Variants in ZNF469 observed in about 807,000 individuals in gnomAD.
ZNF469 encodes zinc finger protein 469.
ZNF469 carries 1 observed loss-of-function variant against 1.0 expected under a neutral mutation model. The observed-to-expected ratio is 1.00, with a 90% CI of 0.35 to 4.73. ZNF469 has a LOEUF of 4.73. Among genes scored for constraint, ZNF469 ranks in the 30% most tolerant of loss-of-function variants. The pLI is 0.16. For missense variants in ZNF469, 6,100 were observed against 5,356.3 expected, an observed-to-expected ratio of 1.14 and a Z score of -4.33; for synonymous variants, 2,703 against 2,363.4, an observed-to-expected ratio of 1.14 and a Z score of -4.17.
the ZNF469 span, among the ~76,000 whole-genome samples, chr16:88,179,488 G>A: frequency 6.6e-6 from 1 of 152,212 alleles, no homozygotes; most frequent in Non-Finnish European, 1.5e-5. Context: ...CTGCAGAACT[G>A]TGAGCCAAAG....
At chr16:88,423,241 GGATGGATGGATA>G (rs1461961579) in intron 1 of ZNF469, among the ~76,000 whole-genome samples, 2 of 150,664 alleles carry the variant, frequency 1.3e-5, no homozygotes, top group Non-Finnish European at 3.0e-5. Flanking sequence ...GTGGATGGAT[GGATGGATGGATA>G]GATGGATGGA....
the ZNF469 span, among the ~76,000 whole-genome samples, chr16:88,173,538 G>A: frequency 1.2e-4 from 18 of 152,194 alleles, no homozygotes; most frequent in African/African-American, 4.3e-4. Context: ...ATTCCAGATG[G>A]AAATTTAGAG....
At chr16:88,151,089 AG>A in the ZNF469 span, among the ~76,000 whole-genome samples, 1 of 152,276 alleles carries the variant, frequency 6.6e-6, no homozygotes, top group Non-Finnish European at 1.5e-5. This position sits in a 1 kb window ranked among gnomAD's most constrained non-coding sequence, Gnocchi z 5.4. Context: ...GAAGCCCCAC[AG>A]GGGGCAGCTT....
At chr16:88,129,276 G>T in the ZNF469 span, among the ~76,000 whole-genome samples, 1 of 151,954 alleles carries the variant, frequency 6.6e-6, no homozygotes. Flanking sequence ...CCTTAGGGTC[G>T]TCTCGGCCTC....
At chr16:88,351,204 G>A in the ZNF469 span, among the ~76,000 whole-genome samples, 11 of 152,354 alleles carry the variant, frequency 7.2e-5, no homozygotes, top group South Asian at 2.1e-4. Context: ...CCTCGGTGGC[G>A]TAGCCAAAGG....
the ZNF469 span, among the ~76,000 whole-genome samples, chr16:88,322,603 C>T: frequency 6.6e-6 from 1 of 152,212 alleles, no homozygotes; most frequent in African/African-American, 2.4e-5. Context: ...AGGGTTTGTG[C>T]CAGAGCAGGC....
chr16:88,203,234 C>A, the ZNF469 span, among the ~76,000 whole-genome samples: 1 of 152,144 alleles, frequency 6.6e-6, no homozygotes. Flanking sequence ...GAGCCCCCAA[C>A]CCACAGGGCT....
chr16:88,165,079 C>T, the ZNF469 span, among the ~76,000 whole-genome samples: 2 of 152,232 alleles, frequency 1.3e-5, no homozygotes, highest in Non-Finnish European at 1.5e-5. Context: ...GGCAAGTGTG[C>T]CTTTCATCCC....
the ZNF469 span, among the ~76,000 whole-genome samples, chr16:88,311,183 C>T: frequency 4.6e-5 from 7 of 152,106 alleles, no homozygotes; most frequent in East Asian, 9.7e-4. Flanking sequence ...GGAGGAAGAC[C>T]CTGGGGGCGA....
chr16:88,386,784 G>A (rs141815028), intron 1 of ZNF469, among the ~76,000 whole-genome samples: 199 of 152,304 alleles, frequency 1.3e-3, no homozygotes, highest in Middle Eastern at 6.8e-3. Flanking sequence ...CCTGCTACAT[G>A]CTGGGGGCTG....
At chr16:88,391,163 T>G (rs188167955) in intron 1 of ZNF469, among the ~76,000 whole-genome samples, 163 of 152,322 alleles carry the variant, frequency 1.1e-3, no homozygotes, top group African/African-American at 3.7e-3. Flanking sequence ...AGCCTCAGTT[T>G]CCCCACCTGT....
At chr16:88,182,557 CAAAAT>C in the ZNF469 span, among the ~76,000 whole-genome samples, 34 of 152,032 alleles carry the variant, frequency 2.2e-4, no homozygotes, top group East Asian at 3.3e-3. Context: ...GTCAACAAAA[CAAAAT>C]AGAGTCTTGG....
chr16:88,272,562 A>T, the ZNF469 span, among the ~76,000 whole-genome samples: 1 of 151,738 alleles, frequency 6.6e-6, no homozygotes, highest in African/African-American at 2.4e-5. Context: ...GGGTGTATGG[A>T]GAGATGAGTG....
the ZNF469 span, among the ~76,000 whole-genome samples, chr16:88,196,934 T>C: frequency 0.41 from 62,491 of 151,942 alleles, 13,831 homozygotes; most frequent in South Asian, 0.55. Context: ...GGAGATGCCT[T>C]GGGAGGGGTG....
chr16:88,412,385 C>T (rs1164232687), intron 1 of ZNF469, among the ~76,000 whole-genome samples: 1 of 152,088 alleles, frequency 6.6e-6, no homozygotes, highest in Admixed American at 6.5e-5. Context: ...GCAGGCACCT[C>T]GCTTAACCTC....
the ZNF469 span, among the ~76,000 whole-genome samples, chr16:88,150,322 A>G: frequency 1.3e-5 from 2 of 152,224 alleles, no homozygotes; most frequent in Non-Finnish European, 2.9e-5. Flanking sequence ...AACACAAACA[A>G]AAAAACCAAA....
At chr16:88,371,773 G>T in the ZNF469 span, among the ~76,000 whole-genome samples, 6 of 151,844 alleles carry the variant, frequency 4.0e-5, no homozygotes, top group Admixed American at 3.9e-4. Flanking sequence ...TGCTTAATTT[G>T]GTGTTTTCAG....
At chr16:88,201,685 C>T in the ZNF469 span, among the ~76,000 whole-genome samples, 1 of 152,176 alleles carries the variant, frequency 6.6e-6, no homozygotes, top group African/African-American at 2.4e-5. This position sits in a 1 kb window ranked among gnomAD's most constrained non-coding sequence, Gnocchi z 5.0. Flanking sequence ...TGAGGCCGCA[C>T]CTGCCCAGGG....
the ZNF469 span, among the ~76,000 whole-genome samples, chr16:88,353,777 G>A: frequency 9.2e-5 from 14 of 152,308 alleles, no homozygotes; most frequent in South Asian, 2.1e-4. Context: ...CCAGGATGAC[G>A]GAGGCAGAGA....
Sources: gnomAD v4.1 joint callset for allele counts (sites outside exome capture counted in the v4.1 genomes callset) on GRCh38, gnomAD v4.1.1 for gene constraint, Gnocchi (gnomAD v3.1) non-coding constraint, MANE v1.5 for transcripts, NCBI Gene and HGNC (gene_info 2026-07-23, HGNC 2026-07-21) for gene names.